The following SRGAP1 variants were observed in gnomAD, a reference collection of about 807,000 sequenced individuals.
SRGAP1 encodes SLIT-ROBO Rho GTPase-activating protein 1.
A neutral mutation model predicts 121.9 loss-of-function variants in SRGAP1; 43 were observed. The ratio of observed to expected loss-of-function variants is 0.35; its 90% CI spans 0.28 to 0.46. The LOEUF (loss-of-function observed/expected upper bound fraction) is 0.46. Among genes scored for constraint, SRGAP1 ranks in the 20% least tolerant of loss-of-function variants. SRGAP1 has a pLI of 1.00. For synonymous variants in SRGAP1, 447 were observed against 485.4 expected (o/e 0.92, Z 1.04); for missense variants, 1,102 against 1,350.9 (o/e 0.82, Z 2.89).
chr12:63,848,171 A>G (rs1014823911), intron 1 of SRGAP1, among the ~76,000 whole-genome samples: 3 of 151,610 alleles, frequency 2.0e-5, no homozygotes, highest in Non-Finnish European at 4.4e-5. Context: ...ACGCCCAGTT[A>G]ATTTTTGTAT....
intron 2 of SRGAP1, among the ~76,000 whole-genome samples, chr12:63,988,105 A>G (rs1565624611): frequency 6.6e-6 from 1 of 152,180 alleles, no homozygotes; most frequent in Non-Finnish European, 1.5e-5. Context: ...AGTGCTCATT[A>G]AATGATAGCT....
At chr12:64,074,998 A>T (rs1467180089) in intron 8 of SRGAP1, among the ~76,000 whole-genome samples, 1 of 151,606 alleles carries the variant, frequency 6.6e-6, no homozygotes, top group Admixed American at 6.6e-5. Context: ...TACCAGAGCC[A>T]CATTTTGAGT....
At chr12:63,861,859 C>A (rs920969174) in intron 1 of SRGAP1, among the ~76,000 whole-genome samples, 1 of 152,060 alleles carries the variant, frequency 6.6e-6, no homozygotes, top group Non-Finnish European at 1.5e-5. Context: ...CAGTGGCTCA[C>A]GCCTGTAATC....
At chr12:63,881,344 G>A (rs11175200) in intron 1 of SRGAP1, among the ~76,000 whole-genome samples, 31,382 of 152,124 alleles carry the variant, frequency 0.21, 3,519 homozygotes, top group East Asian at 0.35. Flanking sequence ...TTTCACCTGC[G>A]TAATAACAGT....
chr12:64,076,844 A>G (rs1050403761), intron 8 of SRGAP1, among the ~76,000 whole-genome samples: 4 of 152,006 alleles, frequency 2.6e-5, no homozygotes, highest in Admixed American at 6.6e-5. Context: ...GGGTTTCACC[A>G]TATTGGCCAG....
chr12:63,861,260 A>C (rs958965950), intron 1 of SRGAP1, among the ~76,000 whole-genome samples: 53 of 148,492 alleles, frequency 3.6e-4, no homozygotes, highest in African/African-American at 1.3e-3. Context: ...CAATCTGCCC[A>C]GCTTAGCCTC....
chr12:64,082,513 C>T lies in SRGAP1; in HGVS notation c.1408+2143C>T, dbSNP rs147933293. Among the ~76,000 whole-genome samples, 205 of 150,368 alleles carry T rather than the reference C, an allele frequency of 1.4e-3. 3 individuals carry two copies. In the East Asian group the frequency reaches 0.03, roughly 22 times the overall value. Reference sequence around the variant, plus strand: ...TCGCCCAGGCTGGAGTGCAGTGGTGCAATCTAAGCTCACTGCAACCTCCAC... The same window carrying T: ...TCGCCCAGGCTGGAGTGCAGTGGTGTAATCTAAGCTCACTGCAACCTCCAC... On this transcript the variant is annotated intron_variant, in intron 10 of 21. Coordinates refer to ENST00000355086, the MANE Select transcript of SRGAP1 (RefSeq NM_020762.4).
intron 3 of SRGAP1, among the ~76,000 whole-genome samples, chr12:63,996,257 G>A (rs2033703410): frequency 6.6e-6 from 1 of 151,734 alleles, no homozygotes; most frequent in Non-Finnish European, 1.5e-5. Flanking sequence ...AAATATATAT[G>A]TGTATATTTT....
At chr12:64,135,518 T>G (rs1346374200) in intron 21 of SRGAP1, among the ~76,000 whole-genome samples, 1 of 152,166 alleles carries the variant, frequency 6.6e-6, no homozygotes, top group African/African-American at 2.4e-5. Flanking sequence ...ACTATGTTCC[T>G]TGGTTCTCTA....
intron 17 of SRGAP1, among the ~76,000 whole-genome samples, chr12:64,113,678 T>C (rs1053775132): frequency 6.6e-6 from 1 of 152,170 alleles, no homozygotes; most frequent in African/African-American, 2.4e-5. Flanking sequence ...AACTTCAATT[T>C]CTTGAACCCC....
intron 17 of SRGAP1, among the ~76,000 whole-genome samples, chr12:64,115,446 A>C (rs1282479545): frequency 6.6e-6 from 1 of 152,146 alleles, no homozygotes; most frequent in Admixed American, 6.5e-5. Context: ...TTTTCATTAC[A>C]GTAGCAATTG....
chr12:64,000,985 T>A (rs2033876733), intron 3 of SRGAP1, among the ~76,000 whole-genome samples: 1 of 151,976 alleles, frequency 6.6e-6, no homozygotes, highest in South Asian at 2.1e-4. Flanking sequence ...TGAAAAAGAA[T>A]CCCCACTTGA....
rs927975020 is a variant in SRGAP1 at position 63,969,740 on chromosome 12, A to T, written c.68-14207A>T. Among the ~76,000 whole-genome samples, 3 of 151,640 alleles carry T rather than the reference A, an allele frequency of 2.0e-5. No individual in the cohort carries two copies. In the East Asian group the frequency reaches 5.8e-4, roughly 29 times the overall value. The stretch of plus-strand genomic sequence containing the variant: ...ACCCGGGAGGCAGAGCTTGCAGTGA[A>T]CCGAGATTGTGCCACTGCACTCCAG... On this transcript the variant is annotated intron_variant, in intron 1 of 21. Transcript: ENST00000355086.
At position 64,154,429 on chromosome 12, in the gene SRGAP1, G is replaced by A. The variant is rs367595862; in HGVS notation, c.*11757G>A. Reference sequence around the variant, plus strand: ...GCAACACAGGAGATGAGGGTGGCTTGGACTAGATAGCCAGGTAGAAGGAGA... The same window carrying A: ...GCAACACAGGAGATGAGGGTGGCTTAGACTAGATAGCCAGGTAGAAGGAGA... On this transcript the variant is annotated 3_prime_UTR_variant, in exon 22 of 22. Coordinates refer to ENST00000355086, the MANE Select transcript of SRGAP1 (RefSeq NM_020762.4). 8 of 152,220 alleles carry A rather than the reference G, an allele frequency of 5.3e-5. No individual in the cohort carries two copies. The highest frequency in any genetic ancestry group is 1.9e-4 in the African/African-American group (8 of 41,524). 9.4% of individuals were successfully genotyped at this position (152,220 alleles called of 1,614,324 possible).
chr12:63,985,613 A>G, intron 2 of SRGAP1, among the ~76,000 whole-genome samples: 1 of 152,212 alleles, frequency 6.6e-6, no homozygotes, highest in East Asian at 1.9e-4. Flanking sequence ...TTTTACATAT[A>G]AATTTCTAGG....
At chr12:64,079,182 A>G (rs993496059) in intron 9 of SRGAP1, 66 bp downstream of exon 9, 23 of 1,568,924 alleles carry the variant, frequency 1.5e-5, no homozygotes, top group Middle Eastern at 2.0e-4. Flanking sequence ...TGCCACTTCT[A>G]TAGTCACATC....
At chr12:64,098,699 C>T (rs533083236) in intron 15 of SRGAP1, among the ~76,000 whole-genome samples, 1 of 152,006 alleles carries the variant, frequency 6.6e-6, no homozygotes, top group Admixed American at 6.5e-5. Context: ...AAAAAGCTAA[C>T]TCCATGGCAT....
At chr12:63,922,303 G>T (rs1284018215) in intron 1 of SRGAP1, among the ~76,000 whole-genome samples, 1 of 152,060 alleles carries the variant, frequency 6.6e-6, no homozygotes, top group Non-Finnish European at 1.5e-5. Context: ...TCTAATCTAT[G>T]GAATTTGATT....
At chr12:63,884,857 C>A (rs1252968729) in intron 1 of SRGAP1, among the ~76,000 whole-genome samples, 1 of 151,400 alleles carries the variant, frequency 6.6e-6, no homozygotes, top group East Asian at 1.9e-4. Flanking sequence ...GTAGCTGGGA[C>A]TACAGGCGCC....
Sources: allele counts gnomAD v4.1 joint callset (sites outside exome capture counted in the v4.1 genomes callset), GRCh38; gene constraint gnomAD v4.1.1; transcripts MANE v1.5; gene names NCBI Gene and HGNC (gene_info 2026-07-23, HGNC 2026-07-21).